Variants in GRAMD4 observed in about 807,000 individuals in gnomAD.
The protein encoded by GRAMD4 is GRAM domain containing 4.
GRAMD4 carries 25 observed loss-of-function variants against 83.9 expected under a neutral mutation model. That is an observed-to-expected ratio of 0.30 (90% confidence interval 0.22 to 0.42). The LOEUF (loss-of-function observed/expected upper bound fraction) is 0.42, where lower values mean the gene tolerates loss of function less well. Among genes scored for constraint, GRAMD4 ranks in the 10% least tolerant of loss-of-function variants. The pLI is 1.00. For synonymous variants in GRAMD4, 336 were observed against 320.9 expected, an observed-to-expected ratio of 1.05 and a Z score of -0.50; for missense variants, 593 against 788.7, an observed-to-expected ratio of 0.75 and a Z score of 2.97.
chr22:46,667,305 A>C (rs1474064501), intron 10 of GRAMD4, among the ~76,000 whole-genome samples: 1 of 152,018 alleles, frequency 6.6e-6, no homozygotes, highest in African/African-American at 2.4e-5. Flanking sequence ...CCTCCACTGC[A>C]CTCCAGCCTG....
At chr22:46,635,094 C>G (rs987708970) in intron 2 of GRAMD4, among the ~76,000 whole-genome samples, 1 of 117,110 alleles carries the variant, frequency 8.5e-6, no homozygotes, top group Non-Finnish European at 2.1e-5. Context: ...GGAGCCGTGT[C>G]CTCCCTGCCC....
intron 1 of GRAMD4, among the ~76,000 whole-genome samples, chr22:46,588,451 G>A (rs1337775560): frequency 2.6e-5 from 4 of 152,230 alleles, no homozygotes; most frequent in Non-Finnish European, 2.9e-5. Flanking sequence ...CTCCCCGGGC[G>A]AGTGCTGTTC....
intron 1 of GRAMD4, among the ~76,000 whole-genome samples, chr22:46,608,034 G>C (rs544736967): frequency 6.6e-6 from 1 of 152,202 alleles, no homozygotes. Flanking sequence ...GTATCCTTGC[G>C]CTGAGGGTCC....
At chr22:46,605,983 TATGG>T (rs2081362569) in intron 1 of GRAMD4, among the ~76,000 whole-genome samples, 3 of 102,628 alleles carry the variant, frequency 2.9e-5, no homozygotes, top group Admixed American at 9.4e-5. Context: ...TGCATGGGCT[TATGG>T]CTGGTGCTGA....
intron 3 of GRAMD4, among the ~76,000 whole-genome samples, chr22:46,648,731 GATGGATGGATGGATGC>G (rs2082111047): frequency 7.3e-6 from 1 of 137,142 alleles, no homozygotes; most frequent in Admixed American, 7.1e-5. Flanking sequence ...TGGATGCATG[GATGGATGGATGGATGC>G]ATGGATGGAT....
chr22:46,625,431 C>T (rs949670384), intron 1 of GRAMD4, among the ~76,000 whole-genome samples: 8 of 152,228 alleles, frequency 5.3e-5, no homozygotes, highest in African/African-American at 1.9e-4. Context: ...TGCTGCCCGC[C>T]CCAAGCAGGA....
chr22:46,613,763 C>G (rs918779056), intron 1 of GRAMD4, among the ~76,000 whole-genome samples: 3 of 152,214 alleles, frequency 2.0e-5, no homozygotes, highest in Non-Finnish European at 4.4e-5. Context: ...TGCTGCCATA[C>G]ACACCCCCTC....
chr22:46,603,533 T>TTTTTTTTG, intron 1 of GRAMD4, among the ~76,000 whole-genome samples: 3 of 104,688 alleles, frequency 2.9e-5, no homozygotes, highest in African/African-American at 4.0e-5. Flanking sequence ...TTTTTTTTTT[T>TTTTTTTTG]TGAGATGGAG....
At chr22:46,589,258 T>G (rs2081182617) in intron 1 of GRAMD4, among the ~76,000 whole-genome samples, 1 of 119,208 alleles carries the variant, frequency 8.4e-6, no homozygotes, top group African/African-American at 3.3e-5. Flanking sequence ...GGGGGAGTCC[T>G]GGGTTTGGGG....
intron 3 of GRAMD4, among the ~76,000 whole-genome samples, chr22:46,644,897 C>CTTTT (rs35677843): frequency 0.031 from 1,261 of 41,004 alleles, 239 homozygotes; most frequent in Non-Finnish European, 0.037. Context: ...TGCACATGGC[C>CTTTT]TTTTTTTTTT....
chr22:46,617,783 G>C (rs1297320037), upstream of GRAMD4, among the ~76,000 whole-genome samples: 2 of 152,266 alleles, frequency 1.3e-5, no homozygotes, highest in East Asian at 3.9e-4. Flanking sequence ...GCCCCCCTGG[G>C]TGGCTTCCCT....
chr22:46,614,476 C>T (rs1181809943), intron 1 of GRAMD4, among the ~76,000 whole-genome samples: 2 of 152,322 alleles, frequency 1.3e-5, no homozygotes, highest in Admixed American at 6.5e-5. Flanking sequence ...GGACATTTCC[C>T]GTGTTGTAGA....
intron 3 of GRAMD4, among the ~76,000 whole-genome samples, chr22:46,654,167 G>T (rs1052016338): frequency 6.0e-4 from 92 of 152,264 alleles, no homozygotes; most frequent in African/African-American, 2.2e-3. Context: ...AGGTGGCTGG[G>T]GGGTAGGGTG....
chr22:46,637,018 G>C (rs974166371), intron 2 of GRAMD4, among the ~76,000 whole-genome samples: 26 of 152,236 alleles, frequency 1.7e-4, no homozygotes, highest in Non-Finnish European at 5.9e-5. Flanking sequence ...CAAGGCCGCT[G>C]TTCGGAGTTT....
chr22:46,578,573 T>G (rs1261079905), intron 1 of GRAMD4, among the ~76,000 whole-genome samples: 2 of 152,096 alleles, frequency 1.3e-5, no homozygotes, highest in East Asian at 3.9e-4. Flanking sequence ...GCGCTGTGGC[T>G]GAGCCTGAAG....
intron 8 of GRAMD4, among the ~76,000 whole-genome samples, chr22:46,665,320 C>T (rs1376538758): frequency 6.6e-6 from 1 of 152,242 alleles, no homozygotes; most frequent in Non-Finnish European, 1.5e-5. Flanking sequence ...AAGTCTGGTG[C>T]GTGGGAGCCA....
chr22:46,661,179 G>A (rs34926187), intron 4 of GRAMD4, among the ~76,000 whole-genome samples: 27,245 of 152,160 alleles, frequency 0.18, 2,605 homozygotes, highest in Middle Eastern at 0.24. Flanking sequence ...AAAACAAAAC[G>A]TGTGCCTGTT....
At chr22:46,666,032 C>T (rs1201686250) in intron 9 of GRAMD4, among the ~76,000 whole-genome samples, 2 of 152,262 alleles carry the variant, frequency 1.3e-5, no homozygotes, top group African/African-American at 2.4e-5. Context: ...AAACAGGGCT[C>T]CACGCCCCGG....
At chr22:46,682,031 C>T (rs553395285), downstream of GRAMD4, among the ~76,000 whole-genome samples, 7 of 152,306 alleles carry the variant, frequency 4.6e-5, no homozygotes, top group African/African-American at 1.2e-4. Flanking sequence ...CTGGGAAAGC[C>T]GCCCAGGGAA....
Sources: gnomAD v4.1 joint callset for allele counts (sites outside exome capture counted in the v4.1 genomes callset) on GRCh38, gnomAD v4.1.1 for gene constraint, MANE v1.5 for transcripts, NCBI Gene and HGNC (gene_info 2026-07-23, HGNC 2026-07-21) for gene names.